Variants in DIAPH2 observed in about 807,000 individuals in gnomAD.
DIAPH2 encodes protein diaphanous homolog 2.
DIAPH2 carries 35 observed loss-of-function variants against 92.7 expected under a neutral mutation model. The ratio of observed to expected loss-of-function variants is 0.38; its 90% CI spans 0.29 to 0.50. The LOEUF is 0.50. Ranked by LOEUF, DIAPH2 falls within the 20% of genes least tolerant of loss-of-function variation. DIAPH2 has a pLI of 0.94. For synonymous variants in DIAPH2, 301 were observed against 280.4 expected, an observed-to-expected ratio of 1.07 and a Z score of -0.73; for missense variants, 701 against 819.5, an observed-to-expected ratio of 0.86 and a Z score of 1.77.
intron 25 of DIAPH2, among the ~76,000 whole-genome samples, chrX:97,406,597 G>A (rs932101859): frequency 2.7e-5 from 3 of 111,721 alleles, no homozygotes; most frequent in East Asian, 5.6e-4. Flanking sequence ...TCCATACGTC[G>A]TAAGAGTATA....
At chrX:97,284,828 ATGAATACC>A (rs1271994493) in intron 23 of DIAPH2, among the ~76,000 whole-genome samples, 2 of 111,066 alleles carry the variant, frequency 1.8e-5, no homozygotes, top group Non-Finnish European at 3.8e-5. Context: ...TTTCTAAGCT[ATGAATACC>A]TAGAAGGCAA....
chrX:96,861,471 A>G, intron 4 of DIAPH2, among the ~76,000 whole-genome samples: 1 of 111,095 alleles, frequency 9.0e-6, no homozygotes, highest in African/African-American at 3.3e-5. Flanking sequence ...TATTTCTGAA[A>G]CTCATCTGCT....
Position 97,114,782 on chromosome X carries a change from A to G in DIAPH2, c.2406A>G (p.Thr802=), listed in dbSNP as rs1463057329. 8.3e-7 allele frequency: 1 copy of G among 1,211,084 alleles called. No individual in the cohort carries two copies. The highest frequency in any genetic ancestry group is 3.0e-5 in the East Asian group (1 of 33,789). Residue 802 remains threonine, a synonymous_variant, in exon 21 of 27, where the codon ACA becomes ACG. Coordinates refer to ENST00000324765, the MANE Select transcript of DIAPH2 (RefSeq NM_006729.5). ...TCAGTAGTATCCTGTTCAAGCTCAC[A>G]TTTGAAGAACACATAAACAACATCA... is the stretch of plus-strand genomic sequence containing the variant. The part of the protein sequence containing the change: ...PRLSSILFKL[T]FEEHINNIKP...
At chrX:97,442,118 C>A (rs983849840) in intron 26 of DIAPH2, 4 of 113,020 alleles carry the variant, frequency 3.5e-5, no homozygotes, top group Non-Finnish European at 7.5e-5. Context: ...CATTGGTGAT[C>A]CCTGCAGGAA....
chrX:96,939,117 G>A, intron 11 of DIAPH2, 149 bp from the exon 12 acceptor site: 1 of 345,012 alleles, frequency 2.9e-6, no homozygotes. Flanking sequence ...ATTACTTTAT[G>A]CAGATGTTTA....
intron 9 of DIAPH2, among the ~76,000 whole-genome samples, chrX:96,926,001 A>G (rs1053266562): frequency 2.7e-5 from 3 of 111,717 alleles, no homozygotes; most frequent in African/African-American, 9.7e-5. Flanking sequence ...TAGGATAAAG[A>G]AAGACCTTGT....
chrX:97,060,143 G>C lies in DIAPH2; in HGVS notation c.2051-12798G>C, dbSNP rs187297450. 6.8e-4 allele frequency among the ~76,000 whole-genome samples: 76 copies of C among 112,472 alleles called. No individual in the cohort carries two copies. The Middle Eastern group carries it at 0.014, about 20-fold the overall frequency. On this transcript the variant is annotated intron_variant, in intron 17 of 26. Transcript: ENST00000324765. ...TAAGTTCAGATTCAAAGCATTCTGC[G>C]CTAAAAGCAGAGGCACACTTTGGTG...
chrX:96,900,874 G>C (rs1330328316), intron 5 of DIAPH2, among the ~76,000 whole-genome samples: 13 of 111,871 alleles, frequency 1.2e-4, no homozygotes, highest in Non-Finnish European at 2.4e-4. Flanking sequence ...CTAGTATTTT[G>C]TTGGGGATTT....
intron 17 of DIAPH2, among the ~76,000 whole-genome samples, chrX:97,020,296 G>A (rs1356627462): frequency 8.9e-6 from 1 of 111,964 alleles, no homozygotes; most frequent in Non-Finnish European, 1.9e-5. Context: ...GCAGCTACTT[G>A]TGTATGTGTG....
At chrX:97,190,207 T>C (rs761680908) in intron 22 of DIAPH2, among the ~76,000 whole-genome samples, 1 of 112,848 alleles carries the variant, frequency 8.9e-6, no homozygotes, top group South Asian at 3.6e-4. Context: ...GTTTGTACAA[T>C]GCACTAGTCT....
chrX:96,697,066 G>C (rs994872544), intron 1 of DIAPH2, among the ~76,000 whole-genome samples: 1 of 110,101 alleles, frequency 9.1e-6, no homozygotes, highest in Admixed American at 9.8e-5. Context: ...ATAGCATTAA[G>C]AAGTCAGCTT....
At chrX:96,793,798 A>G (rs1368220437) in intron 4 of DIAPH2, among the ~76,000 whole-genome samples, 1 of 111,825 alleles carries the variant, frequency 8.9e-6, no homozygotes, top group Admixed American at 9.5e-5. Flanking sequence ...GGACATAAAC[A>G]TAGTCCATAA....
At chrX:96,767,716 G>A (rs1569389003) in intron 4 of DIAPH2, among the ~76,000 whole-genome samples, 1 of 111,747 alleles carries the variant, frequency 8.9e-6, no homozygotes, top group Non-Finnish European at 1.9e-5. Context: ...GGTCAAGAAT[G>A]GTGGGAAGGA....
intron 25 of DIAPH2, among the ~76,000 whole-genome samples, chrX:97,386,259 A>G (rs1457249657): frequency 1.8e-5 from 2 of 112,384 alleles, no homozygotes; most frequent in Non-Finnish European, 3.7e-5. Context: ...CATAATTAGA[A>G]TCAGGAAAAC....
chrX:97,321,228 AAC>A (rs1221480661), intron 23 of DIAPH2, among the ~76,000 whole-genome samples: 1 of 111,246 alleles, frequency 9.0e-6, no homozygotes, highest in East Asian at 2.8e-4. Context: ...ATAACTTTAT[AAC>A]ACGGCTCATT....
At chrX:97,059,010 A>G (rs2066577601) in intron 17 of DIAPH2, among the ~76,000 whole-genome samples, 1 of 112,040 alleles carries the variant, frequency 8.9e-6, no homozygotes, top group African/African-American at 3.2e-5. Context: ...GTGACATTTG[A>G]CTTCGGTCTT....
At chrX:97,048,960 G>C (rs2147892554) in intron 17 of DIAPH2, among the ~76,000 whole-genome samples, 1 of 107,955 alleles carries the variant, frequency 9.3e-6, no homozygotes, top group African/African-American at 3.4e-5. Flanking sequence ...GTTTCATCTT[G>C]TAGCTACTCT....
At chrX:96,920,493 G>A (rs955157426) in intron 9 of DIAPH2, among the ~76,000 whole-genome samples, 1 of 111,870 alleles carries the variant, frequency 8.9e-6, no homozygotes, top group Admixed American at 9.5e-5. Context: ...TGTGAGTTAT[G>A]TATTATTACC....
chrX:97,138,171 G>T (rs2067185957), intron 21 of DIAPH2, among the ~76,000 whole-genome samples: 1 of 111,990 alleles, frequency 8.9e-6, no homozygotes, highest in South Asian at 3.7e-4. Context: ...TGGTTTCTGT[G>T]TACTCAAACA....
Sources: allele counts gnomAD v4.1 joint callset (sites outside exome capture counted in the v4.1 genomes callset), GRCh38; gene constraint gnomAD v4.1.1; transcripts MANE v1.5; gene names NCBI Gene and HGNC (gene_info 2026-07-23, HGNC 2026-07-21).